GRIP1: variants seen among roughly 807,000 people sequenced by gnomAD.
The protein encoded by GRIP1 is glutamate receptor-interacting protein 1.
In GRIP1, 45 loss-of-function variants were observed where a neutral mutation model predicts 129.9. The ratio of observed to expected loss-of-function variants is 0.35; its 90% CI spans 0.27 to 0.44. GRIP1 has a LOEUF of 0.44. Among genes scored for constraint, GRIP1 ranks in the 20% least tolerant of loss-of-function variants. The pLI is 1.00. For synonymous variants in GRIP1, 530 were observed against 520.8 expected (o/e 1.02, Z -0.24); for missense variants, 1,196 against 1,396.8 (o/e 0.86, Z 2.29).
upstream of GRIP1, among the ~76,000 whole-genome samples, chr12:66,683,654 C>G (rs1227255465): frequency 6.6e-6 from 1 of 152,158 alleles, no homozygotes. Flanking sequence ...ATAATGCACA[C>G]TTCATGTGTC....
rs547706592 is a variant in GRIP1 at position 66,736,346 on chromosome 12, A to ATTTTTTTTTTTTTTTTT, written c.-420+67690_-420+67706dup. On this transcript the variant is annotated intron_variant, in intron 1 of 4. Transcript: ENST00000538373. Reference sequence around the variant, plus strand: ...AGGTGTGCACCACCGTGCCTGGCTAATTTTTTTTTTTTTTTTTTTTTTTTT... The same window carrying ATTTTTTTTTTTTTTTTT: ...AGGTGTGCACCACCGTGCCTGGCTAATTTTTTTTTTTTTTTTTTTTTTTTTTTTTTTTTTTTTTTTTT... 1.6e-4 allele frequency among the ~76,000 whole-genome samples: 11 copies of ATTTTTTTTTTTTTTTTT among 67,022 alleles called. 2 individuals carry two copies. The highest frequency in any genetic ancestry group is 3.8e-4 in the Admixed American group (2 of 5,256). 44.0% of individuals were successfully genotyped at this position (67,022 alleles called of 152,430 possible).
intron 2 of GRIP1, among the ~76,000 whole-genome samples, chr12:66,551,742 TTTGTTGTTGTTG>T (rs561356842): frequency 6.6e-6 from 1 of 151,306 alleles, no homozygotes; most frequent in East Asian, 1.9e-4. Flanking sequence ...TTAAAACAAT[TTTGTTGTTGTTG>T]TTGTTGTTGT....
intron 1 of GRIP1, among the ~76,000 whole-genome samples, chr12:66,621,427 G>A (rs1424809556): frequency 6.6e-6 from 1 of 152,096 alleles, no homozygotes; most frequent in East Asian, 1.9e-4. Flanking sequence ...ATTTCAAGAT[G>A]TATCAAACTG....
At chr12:66,401,980 T>G (rs952152084) in intron 16 of GRIP1, among the ~76,000 whole-genome samples, 1 of 152,176 alleles carries the variant, frequency 6.6e-6, no homozygotes, top group Non-Finnish European at 1.5e-5. Flanking sequence ...TGGGATAAAA[T>G]TCAAATTTCT....
chr12:67,060,536 G>T (rs369372411), intron 1 of GRIP1, among the ~76,000 whole-genome samples: 2 of 152,130 alleles, frequency 1.3e-5, no homozygotes, highest in East Asian at 1.9e-4. Context: ...AACAAATGAT[G>T]TTGGCCGGGT....
chr12:66,406,248 G>A (rs373825495), intron 16 of GRIP1, 35 bp downstream of exon 16: 270 of 1,610,318 alleles, frequency 1.7e-4, no homozygotes, highest in Non-Finnish European at 2.2e-4. Context: ...TGGGCAGTTC[G>A]AAAAATCAGT....
At chr12:66,658,577 T>A (rs1462012244) in intron 1 of GRIP1, among the ~76,000 whole-genome samples, 1 of 141,296 alleles carries the variant, frequency 7.1e-6, no homozygotes, top group African/African-American at 2.6e-5. Flanking sequence ...CGAGACTCCA[T>A]CTCAAAAAAA....
intron 1 of GRIP1, among the ~76,000 whole-genome samples, chr12:66,880,994 G>GTT (rs920962886): frequency 9.7e-5 from 14 of 143,860 alleles, no homozygotes; most frequent in African/African-American, 3.5e-4. Context: ...TTACTCTTCT[G>GTT]TTTTTTTTTT....
chr12:66,912,712 T>A (rs1041327544), intron 1 of GRIP1, among the ~76,000 whole-genome samples: 1 of 152,090 alleles, frequency 6.6e-6, no homozygotes, highest in African/African-American at 2.4e-5. Flanking sequence ...ATATCTTCAA[T>A]AAAATTTAAG....
chr12:66,830,987 C>CA (rs200084078), intron 1 of GRIP1, among the ~76,000 whole-genome samples: 6,251 of 152,048 alleles, frequency 0.041, 142 homozygotes, highest in Middle Eastern at 0.095. Context: ...GCTGGGACTA[C>CA]AAGCATGTGC....
At chr12:67,031,710 C>T (rs569092192) in intron 1 of GRIP1, among the ~76,000 whole-genome samples, 308 of 152,280 alleles carry the variant, frequency 2.0e-3, no homozygotes, top group Non-Finnish European at 3.2e-3. Context: ...TTATTCCTTC[C>T]TCTTTTTTAT....
chr12:66,786,490 C>T (rs1383088882), intron 1 of GRIP1, among the ~76,000 whole-genome samples: 2 of 152,174 alleles, frequency 1.3e-5, no homozygotes, highest in Admixed American at 6.5e-5. Context: ...TAGGCTGTTG[C>T]TTTCTCTTCC....
At chr12:66,378,008 A>G (rs1046474050) in intron 20 of GRIP1, among the ~76,000 whole-genome samples, 43 of 152,114 alleles carry the variant, frequency 2.8e-4, no homozygotes, top group African/African-American at 9.7e-4. Context: ...AGTAAACCAA[A>G]TGCTATCAGT....
rs11312753 is a variant in GRIP1, at chr12:67,034,671, AT to A, written c.58+34378del. Among the ~76,000 whole-genome samples the A allele has an allele frequency of 8.9e-3, 1,352 of 152,340 alleles. 23 individuals carry two copies. Among genetic ancestry groups the A allele is most frequent in the African/African-American group, 0.03 (1,249 of 41,580 alleles). ...GTGAAAGCCTAGAACACGACTGTACATTTTTAACACAACTGGCAGAGCAGTA... is the reference window on the plus strand; with the variant it reads ...GTGAAAGCCTAGAACACGACTGTACATTTTAACACAACTGGCAGAGCAGTA... On this transcript the variant is annotated intron_variant, in intron 1 of 1. Transcript: ENST00000643019.
chr12:66,494,333 T>A (rs2060180278), intron 7 of GRIP1, among the ~76,000 whole-genome samples: 1 of 152,252 alleles, frequency 6.6e-6, no homozygotes, highest in Admixed American at 6.5e-5. Context: ...TCTTAAACTT[T>A]GAATTCAAAA....
At chr12:66,581,667 A>C (rs1401218128) in intron 2 of GRIP1, among the ~76,000 whole-genome samples, 3 of 152,064 alleles carry the variant, frequency 2.0e-5, no homozygotes, top group Non-Finnish European at 2.9e-5. Context: ...GAAATGGATA[A>C]ATTCCTTGAT....
At chr12:66,933,618 A>C (rs1592362052) in intron 1 of GRIP1, among the ~76,000 whole-genome samples, 1 of 152,300 alleles carries the variant, frequency 6.6e-6, no homozygotes, top group South Asian at 2.1e-4. Flanking sequence ...CAATAATGAA[A>C]TGAAATGAAA....
intron 14 of GRIP1, among the ~76,000 whole-genome samples, chr12:66,425,415 C>G (rs2057948102): frequency 6.6e-6 from 1 of 152,160 alleles, no homozygotes; most frequent in African/African-American, 2.4e-5. Flanking sequence ...GATAGTGTGG[C>G]AATTCCTCAG....
intron 1 of GRIP1, among the ~76,000 whole-genome samples, chr12:66,936,956 G>C (rs2041496078): frequency 6.6e-6 from 1 of 152,104 alleles, no homozygotes; most frequent in African/African-American, 2.4e-5. Flanking sequence ...CAGTGAGTGG[G>C]GCTGGACTTG....
Sources: allele counts gnomAD v4.1 joint callset (sites outside exome capture counted in the v4.1 genomes callset), GRCh38; gene constraint gnomAD v4.1.1; transcripts MANE v1.5; gene names NCBI Gene and HGNC (gene_info 2026-07-23, HGNC 2026-07-21).